TNRC6C: variants seen among roughly 807,000 people sequenced by gnomAD.
TNRC6C encodes trinucleotide repeat containing adaptor 6C.
Under a neutral mutation model 153.7 loss-of-function variants are expected in TNRC6C, and 20 were observed. The observed-to-expected ratio is 0.13, with a 90% CI of 0.09 to 0.19. The LOEUF is 0.19. Ranked by LOEUF, TNRC6C falls within the 10% of genes least tolerant of loss-of-function variation. The pLI is 1.00. For synonymous variants in TNRC6C, 811 were observed against 841.4 expected, an observed-to-expected ratio of 0.96 and a Z score of 0.63; for missense variants, 1,987 against 2,172.0, an observed-to-expected ratio of 0.91 and a Z score of 1.69.
At chr17:78,043,176 CA>C (rs1452485684) in intron 2 of TNRC6C, among the ~76,000 whole-genome samples, 3 of 152,042 alleles carry the variant, frequency 2.0e-5, no homozygotes, top group Non-Finnish European at 4.4e-5. Context: ...TAATGGTAGC[CA>C]AAGGTGGAAT....
intron 3 of TNRC6C, among the ~76,000 whole-genome samples, chr17:78,054,738 A>G (rs2072614084): frequency 1.3e-5 from 2 of 151,994 alleles, no homozygotes; most frequent in South Asian, 4.1e-4. Flanking sequence ...ACTACTGTAC[A>G]CTACTGGAGA....
At chr17:77,958,936 T>A (rs1033678070), upstream of TNRC6C, among the ~76,000 whole-genome samples, 252 of 142,794 alleles carry the variant, frequency 1.8e-3, no homozygotes, top group African/African-American at 6.0e-3. Context: ...CGCCCAGCCG[T>A]CCGCAGCTGC....
intron 3 of TNRC6C, among the ~76,000 whole-genome samples, chr17:78,059,094 C>T (rs2144120258): frequency 6.6e-6 from 1 of 152,334 alleles, no homozygotes; most frequent in East Asian, 1.9e-4. Flanking sequence ...CTTCCAGACT[C>T]CTGTCCTAGG....
chr17:78,103,323 T>G, intron 18 of TNRC6C, 91 bp from the exon 22 acceptor site: 2 of 1,458,052 alleles, frequency 1.4e-6, no homozygotes, highest in Non-Finnish European at 1.9e-6. Context: ...TAGTGTTTAG[T>G]GTATCCAATT....
intron 1 of TNRC6C, among the ~76,000 whole-genome samples, chr17:78,021,643 C>G (rs950193100): frequency 6.6e-5 from 10 of 152,276 alleles, no homozygotes; most frequent in Admixed American, 2.6e-4. Flanking sequence ...AGTCTCGGCT[C>G]ACTGCAACCT....
At position 78,075,216 on chromosome 17, in the gene TNRC6C, C is replaced by G. The variant is rs537849855; in HGVS notation, c.2998C>G (p.Leu1000Val). Reference sequence around the variant, plus strand: ...CCATAATGGAATGGCCGCCAAGCCCCTCGGCTGCCGCCCGCCAATCTCCAA... The same window carrying G: ...CCATAATGGAATGGCCGCCAAGCCCGTCGGCTGCCGCCCGCCAATCTCCAA... The change falls in exon 8 of 20, where the codon CTC becomes GTC. Residue 1000 changes from leucine (L) to valine (V), a missense_variant. Physicochemically the swap from Leu to Val is conservative, Grantham distance 32. Around this residue, in one of 4 missense-constraint regions of TNRC6C, gnomAD observed 765 missense variants for 908.6 expected, o/e 0.84. Transcript: ENST00000301624. The surrounding 1 kb of genome is among the most constrained non-coding windows in gnomAD (Gnocchi z 4.2). The G allele has an allele frequency of 6.3e-7, 1 of 1,598,122 alleles. No individual in the cohort carries two copies. Among genetic ancestry groups the G allele is most frequent in the African/African-American group, 1.3e-5 (1 of 74,744 alleles).
At chr17:78,069,831 CGTGT>C (rs144224566) in intron 5 of TNRC6C, among the ~76,000 whole-genome samples, 2 of 151,720 alleles carry the variant, frequency 1.3e-5, no homozygotes, top group Admixed American at 6.6e-5. Context: ...AGGAAGAAAA[CGTGT>C]GTGTGTGTAT....
At chr17:78,077,736 T>TCC (rs577241167) in intron 9 of TNRC6C, 62 of 186,318 alleles carry the variant, frequency 3.3e-4, no homozygotes, top group African/African-American at 1.4e-3. Context: ...CACCACATTC[T>TCC]CCCCCTTTTT....
chr17:78,028,177 G>A (rs2071984410), intron 1 of TNRC6C, among the ~76,000 whole-genome samples: 1 of 152,212 alleles, frequency 6.6e-6, no homozygotes, highest in Admixed American at 6.5e-5. Flanking sequence ...TTACAGGCGT[G>A]AGCCATCGCC....
At chr17:77,972,778 T>G (rs1712171151) in intron 1 of TNRC6C, among the ~76,000 whole-genome samples, 1 of 152,118 alleles carries the variant, frequency 6.6e-6, no homozygotes, top group Non-Finnish European at 1.5e-5. Context: ...GTCAAACACA[T>G]AGAACTAATA....
intron 1 of TNRC6C, among the ~76,000 whole-genome samples, chr17:78,006,489 TTCTTTCTTC>T (rs1372796748): frequency 7.8e-5 from 11 of 141,914 alleles, no homozygotes; most frequent in Non-Finnish European, 1.2e-4. Flanking sequence ...CTTCTTCTTC[TTCTTTCTTC>T]TTCTTCTTCT....
chr17:78,101,350 C>A (rs980499079), intron 17 of TNRC6C, among the ~76,000 whole-genome samples: 2 of 152,148 alleles, frequency 1.3e-5, no homozygotes, highest in South Asian at 2.1e-4. Flanking sequence ...TTGTCCATAT[C>A]CTTATCAGCA....
intron 16 of TNRC6C, among the ~76,000 whole-genome samples, chr17:78,095,007 C>T (rs375933179): frequency 6.6e-6 from 1 of 152,194 alleles, no homozygotes; most frequent in Non-Finnish European, 1.5e-5. Context: ...CAGCCCTCCC[C>T]GCTTGTCACA....
In TNRC6C at chr17:78,020,452, C is replaced by G. The variant is rs550345410; in HGVS notation, c.-545-11064C>G. ...ACCTGAAAAAGCTTGTGATCTGTCA[C>G]AACTTGTAGTTTCTCAATCTCTGTT... On this transcript the variant is annotated intron_variant, in intron 1 of 19. Transcript: ENST00000301624. 3.3e-5 allele frequency among the ~76,000 whole-genome samples: 5 copies of G among 152,288 alleles called. No homozygotes were observed. In the South Asian group the frequency reaches 1.0e-3, roughly 32 times the overall value.
intron 3 of TNRC6C, among the ~76,000 whole-genome samples, chr17:78,057,739 G>C (rs1357766632): frequency 6.6e-6 from 1 of 152,190 alleles, no homozygotes; most frequent in African/African-American, 2.4e-5. Flanking sequence ...ACTTATGTCA[G>C]AGTTTGGGTT....
intron 1 of TNRC6C, among the ~76,000 whole-genome samples, chr17:77,992,058 C>T (rs999894624): frequency 7.2e-5 from 11 of 152,278 alleles, no homozygotes; most frequent in Middle Eastern, 6.8e-3. Context: ...AAAGACCTTC[C>T]GAGCCCAGTG....
exon 3 of TNRC6C, chr17:78,051,125 C>G: frequency 6.3e-7 from 1 of 1,584,292 alleles, no homozygotes; most frequent in East Asian, 2.3e-5. Context: ...GTGAAACAGA[C>G]AGGAACAGGG....
At chr17:78,051,398 C>T (rs984618994) in exon 3 of TNRC6C, 2 of 1,550,220 alleles carry the variant, frequency 1.3e-6, no homozygotes, top group African/African-American at 2.7e-5. Context: ...GAGACGCCGC[C>T]CCCGCACCAG....
chr17:78,032,722 C>G (rs1028947073), intron 2 of TNRC6C, among the ~76,000 whole-genome samples: 4 of 152,140 alleles, frequency 2.6e-5, no homozygotes, highest in African/African-American at 9.7e-5. Flanking sequence ...AAGTCATATT[C>G]TTGTTTTCTT....
Sources: gnomAD v4.1 joint callset for allele counts (sites outside exome capture counted in the v4.1 genomes callset) on GRCh38, gnomAD v4.1.1 for gene constraint, gnomAD v4.1.1 regional missense constraint, Gnocchi (gnomAD v3.1) non-coding constraint, MANE v1.5 for transcripts, NCBI Gene and HGNC (gene_info 2026-07-23, HGNC 2026-07-21) for gene names.